Variants in OTOGL observed in about 807,000 individuals in gnomAD.
The protein encoded by OTOGL is otogelin-like protein.
In OTOGL, 285 loss-of-function variants were observed where a neutral mutation model predicts 318.5. The ratio of observed to expected loss-of-function variants is 0.89; its 90% CI spans 0.81 to 0.99. OTOGL has a LOEUF of 0.99. OTOGL is among the 50% of genes least tolerant of loss of function. The pLI, the probability that OTOGL is intolerant of heterozygous loss-of-function variation, is 0.00. For synonymous variants in OTOGL, 987 were observed against 936.5 expected (o/e 1.05, Z -0.99); for missense variants, 2,899 against 2,845.6 (o/e 1.02, Z -0.43).
At chr12:80,296,572 A>G (rs959788475) in intron 26 of OTOGL, among the ~76,000 whole-genome samples, 1 of 152,178 alleles carries the variant, frequency 6.6e-6, no homozygotes, top group Non-Finnish European at 1.5e-5. Context: ...CATTTGAGCT[A>G]TAGAAATAAA....
At chr12:80,237,911 G>A (rs971632122) in intron 9 of OTOGL, among the ~76,000 whole-genome samples, 1 of 152,162 alleles carries the variant, frequency 6.6e-6, no homozygotes, top group African/African-American at 2.4e-5. Flanking sequence ...AATCTGGGTG[G>A]TGGAGAACTC....
In OTOGL at chr12:80,328,751, G is replaced by A. The variant is rs369280670; in HGVS notation, c.4279+7G>A. On this transcript the variant is annotated splice_region_variant and intron_variant, in intron 36 of 58. Coordinates refer to ENST00000547103, the MANE Select transcript of OTOGL (RefSeq NM_001378609.3). ...TGTGTTTATCCACGAGACTGTAAGT[G>A]TGAACGTTGCTTAATTTACTCTGAA... 6.3e-6 allele frequency: 10 copies of A among 1,581,052 alleles called. No individual in the cohort carries two copies. In the African/African-American group the frequency reaches 1.2e-4, roughly 19 times the overall value.
At chr12:80,108,936 GTA>G (rs199972356) in intron 1 of OTOGL, among the ~76,000 whole-genome samples, 5,015 of 128,180 alleles carry the variant, frequency 0.039, 163 homozygotes, top group South Asian at 0.09. Flanking sequence ...ATATGTGTGT[GTA>G]TATATATATA....
chr12:80,185,178 A>G (rs1177703826), intron 1 of OTOGL, among the ~76,000 whole-genome samples: 2 of 152,218 alleles, frequency 1.3e-5, no homozygotes, highest in Admixed American at 1.3e-4. Flanking sequence ...ATGGGCTGGT[A>G]TAATGAGACA....
chr12:80,214,066 G>A (rs1877494611), intron 4 of OTOGL, among the ~76,000 whole-genome samples: 1 of 152,236 alleles, frequency 6.6e-6, no homozygotes, highest in Non-Finnish European at 1.5e-5. Context: ...TCTCCGTCCT[G>A]TGGAGATGTA....
chr12:80,214,753 G>A (rs1026567939), intron 4 of OTOGL, among the ~76,000 whole-genome samples: 2 of 152,100 alleles, frequency 1.3e-5, no homozygotes, highest in Non-Finnish European at 2.9e-5. Context: ...CATCTGTTAC[G>A]GAGGTAGGCT....
intron 1 of OTOGL, among the ~76,000 whole-genome samples, chr12:80,178,061 C>CTTTTTT (rs71094968): frequency 4.0e-4 from 30 of 74,942 alleles, no homozygotes; most frequent in South Asian, 5.6e-4. Flanking sequence ...TTCTTTCTTT[C>CTTTTTT]TTTTTTTTTT....
chr12:80,111,505 A>T (rs2137080516), intron 1 of OTOGL, among the ~76,000 whole-genome samples: 1 of 152,286 alleles, frequency 6.6e-6, no homozygotes. Context: ...TAAATAGAGA[A>T]TCCTTTCCCC....
rs1187430221 is a variant in OTOGL, at chr12:80,238,838, C to A, written c.818-13C>A. ...TATTTGTGTGTGTGTGTGTGTGTGC[C>A]TGTGTGAAATAGAGGACTATACAGA... On this transcript the variant is annotated splice_polypyrimidine_tract_variant and intron_variant, in intron 9 of 58. Transcript: ENST00000547103. The A allele has an allele frequency of 1.2e-5, 18 of 1,514,366 alleles. No individual in the cohort carries two copies. The highest frequency in any genetic ancestry group is 1.6e-5 in the Non-Finnish European group (18 of 1,136,586). The allele number at this position is 1,514,366 out of a possible 1,614,324, so 93.8% of individuals were successfully genotyped here. A position where few individuals can be genotyped will look rare whatever the true frequency, so the allele number is the denominator to read the frequency against.
At chr12:80,356,346 A>C in intron 47 of OTOGL, 70 bp from the exon 48 acceptor site, 1 of 1,217,578 alleles carries the variant, frequency 8.2e-7, no homozygotes, top group Non-Finnish European at 1.2e-6. Flanking sequence ...GTTGGCAGTC[A>C]TTTCCCTGCT....
At chr12:80,215,166 CTTTT>C (rs34875604) in intron 4 of OTOGL, among the ~76,000 whole-genome samples, 2 of 129,038 alleles carry the variant, frequency 1.5e-5, no homozygotes, top group East Asian at 2.2e-4. Flanking sequence ...GTTTACAAGT[CTTTT>C]TTTTTTTTTT....
At chr12:80,324,508 A>C (rs1243671047) in intron 35 of OTOGL, among the ~76,000 whole-genome samples, 1 of 152,148 alleles carries the variant, frequency 6.6e-6, no homozygotes. Context: ...TGTTGTAAGG[A>C]CTTTGTCTTT....
rs200162184 is a variant in OTOGL at position 80,145,764 on chromosome 12, A to G, written c.-20+46159A>G. ...AGTGGTTTGTAGTTCTCCTTGAAGA[A>G]GTCCTTCACATCCTTTGTAAGTTGG... On this transcript the variant is annotated intron_variant, in intron 1 of 58. Transcript: ENST00000547103. Among the ~76,000 whole-genome samples, 7 of 151,934 alleles carry G rather than the reference A, an allele frequency of 4.6e-5. No homozygotes were observed. The East Asian group carries it at 1.3e-3, about 29-fold the overall frequency.
At chr12:80,222,483 G>C (rs1243319604) in intron 7 of OTOGL, among the ~76,000 whole-genome samples, 1 of 152,138 alleles carries the variant, frequency 6.6e-6, no homozygotes, top group Non-Finnish European at 1.5e-5. Flanking sequence ...GTATGAACCA[G>C]AGGCTAACAT....
At chr12:80,205,996 A>G (rs1285161712) in intron 1 of OTOGL, among the ~76,000 whole-genome samples, 1 of 152,188 alleles carries the variant, frequency 6.6e-6, no homozygotes, top group Non-Finnish European at 1.5e-5. Flanking sequence ...TCCATGTGGG[A>G]AAATGTGCAG....
chr12:80,342,023 G>A lies in OTOGL; in HGVS notation c.5126G>A (p.Gly1709Glu). Residue 1709 changes from glycine to glutamate, a missense_variant, in exon 44 of 59, where the codon GGA becomes GAA. This residue lies in a region of OTOGL where 2,607 missense variants were observed against 2,524.9 expected (regional missense o/e 1.03). Coordinates refer to ENST00000547103, the MANE Select transcript of OTOGL (RefSeq NM_001378609.3). ...GTIITNMEDI[G>E]LFIESWEIEK... ...ATTATTACAAATATGGAAGACATAG[G>A]ATTATTTATTGAGAGCTGGGAAATT... 3.7e-6 allele frequency: 6 copies of A among 1,608,250 alleles called. No homozygotes were observed. Among genetic ancestry groups the A allele is most frequent in the Non-Finnish European group, 5.1e-6 (6 of 1,176,626 alleles).
At chr12:80,171,663 A>G (rs2137218328) in intron 1 of OTOGL, among the ~76,000 whole-genome samples, 1 of 152,164 alleles carries the variant, frequency 6.6e-6, no homozygotes, top group Non-Finnish European at 1.5e-5. Context: ...TTCCATATAA[A>G]TTTTACCATC....
In OTOGL at chr12:80,339,122, A is replaced by G. The variant is rs1389454919; in HGVS notation, c.4908A>G (p.Glu1636=). 6.2e-7 allele frequency: 1 copy of G among 1,611,810 alleles called. No individual in the cohort carries two copies. Among genetic ancestry groups the G allele is most frequent in the Admixed American group, 1.7e-5 (1 of 59,924 alleles). Residue 1636 remains glutamate, a synonymous_variant, in exon 43 of 59, where the codon GAA becomes GAG. Transcript: ENST00000547103. ...TGCCTTTGCCCTTTTCAAGTCAGGA[A>G]CTGTCCATAGAGGATTCTGGTTCAA... The part of the protein sequence containing the change: ...IVVPLPFSSQ[E]LSIEDSGSMY...
chr12:80,309,964 G>A (rs188190911), intron 29 of OTOGL, among the ~76,000 whole-genome samples: 1 of 152,162 alleles, frequency 6.6e-6, no homozygotes, highest in Non-Finnish European at 1.5e-5. Context: ...TTTGCAAAGA[G>A]AGGAGGGAGA....
Sources: gnomAD v4.1 joint callset for allele counts (sites outside exome capture counted in the v4.1 genomes callset) on GRCh38, gnomAD v4.1.1 for gene constraint, gnomAD v4.1.1 regional missense constraint, MANE v1.5 for transcripts, NCBI Gene and HGNC (gene_info 2026-07-23, HGNC 2026-07-21) for gene names.